ASAP2: variants seen among roughly 807,000 people sequenced by gnomAD.
ASAP2 encodes the protein arf-GAP with SH3 domain, ANK repeat and PH domain-containing protein 2.
A neutral mutation model predicts 131.4 loss-of-function variants in ASAP2; 45 were observed. The observed-to-expected ratio is 0.34, with a 90% confidence interval of 0.27 to 0.44. The LOEUF (loss-of-function observed/expected upper bound fraction) is 0.44, where lower values mean the gene tolerates loss of function less well. Ranked by LOEUF, ASAP2 falls within the 20% of genes least tolerant of loss-of-function variation. The pLI is 1.00. For missense variants in ASAP2, 1,011 were observed against 1,297.0 expected (o/e 0.78, Z 3.39); for synonymous variants, 510 against 503.0 (o/e 1.01, Z -0.19).
chr2:9,217,235 C>T lies in ASAP2; in HGVS notation c.126+10005C>T, dbSNP rs1270744291. 1.3e-5 allele frequency among the ~76,000 whole-genome samples: 2 copies of T among 152,176 alleles called. No individual in the cohort carries two copies. Among genetic ancestry groups the T allele is most frequent in the African/African-American group, 4.8e-5 (2 of 41,436 alleles). On this transcript the variant is annotated intron_variant, in intron 1 of 27. Coordinates refer to ENST00000281419, the MANE Select transcript of ASAP2 (RefSeq NM_003887.3). This position sits in a 1 kb window ranked among gnomAD's most constrained non-coding sequence, Gnocchi z 4.0. ...AGAAAGTTGCAGCTATTGCATTGCT[C>T]GAGTGGGTGCTTCTGGCAAATCCTT... is the stretch of plus-strand genomic sequence containing the variant.
At chr2:9,397,913 C>T (rs1676299127) in intron 24 of ASAP2, among the ~76,000 whole-genome samples, 1 of 150,622 alleles carries the variant, frequency 6.6e-6, no homozygotes, top group Non-Finnish European at 1.5e-5. Context: ...CGCCCGCCAC[C>T]ACGCCCGGCT....
At chr2:9,342,203 C>A in intron 9 of ASAP2, among the ~76,000 whole-genome samples, 1 of 152,162 alleles carries the variant, frequency 6.6e-6, no homozygotes, top group Non-Finnish European at 1.5e-5. Flanking sequence ...CCAGAATCGT[C>A]AAAACAATCC....
chr2:9,287,480 G>A (rs1179062440), intron 2 of ASAP2, among the ~76,000 whole-genome samples: 2 of 152,214 alleles, frequency 1.3e-5, no homozygotes, highest in South Asian at 2.1e-4. Context: ...AGGACGCGGG[G>A]CTCCTGGTTT....
chr2:9,398,269 G>C (rs1676343753), intron 24 of ASAP2, among the ~76,000 whole-genome samples: 1 of 151,774 alleles, frequency 6.6e-6, no homozygotes, highest in Non-Finnish European at 1.5e-5. Context: ...CAGAGCTTTG[G>C]GAGGCCGAGG....
Position 9,281,863 on chromosome 2 carries a change from C to T in ASAP2, c.199+2474C>T, listed in dbSNP as rs1448631748. 6.6e-6 allele frequency among the ~76,000 whole-genome samples: 1 copy of T among 152,182 alleles called. No homozygotes were observed. The highest frequency in any genetic ancestry group is 2.4e-5 in the African/African-American group (1 of 41,422). ...CCTCAGGTGAGTAAATACTGCAGAGCACCAGATGAGTTCCGAGCTCTTGTG... is the reference window on the plus strand; with the variant it reads ...CCTCAGGTGAGTAAATACTGCAGAGTACCAGATGAGTTCCGAGCTCTTGTG... On this transcript the variant is annotated intron_variant, in intron 2 of 27. Coordinates refer to ENST00000281419, the MANE Select transcript of ASAP2 (RefSeq NM_003887.3). The surrounding 1 kb of genome is among the most constrained non-coding windows in gnomAD (Gnocchi z 4.0).
At chr2:9,226,893 G>A (rs1207773450) in intron 1 of ASAP2, among the ~76,000 whole-genome samples, 4 of 152,176 alleles carry the variant, frequency 2.6e-5, no homozygotes, top group Non-Finnish European at 5.9e-5. Flanking sequence ...TCCTTGGTCA[G>A]TCAGGAGGCA....
At chr2:9,319,280 G>T (rs1030045270) in intron 4 of ASAP2, among the ~76,000 whole-genome samples, 3 of 152,248 alleles carry the variant, frequency 2.0e-5, no homozygotes, top group African/African-American at 7.2e-5. Context: ...GCCTTCTCGG[G>T]AGACTCAAAT....
chr2:9,358,407 G>A (rs1672853886), intron 14 of ASAP2, among the ~76,000 whole-genome samples: 1 of 152,152 alleles, frequency 6.6e-6, no homozygotes, highest in African/African-American at 2.4e-5. Context: ...GCTCCATTCT[G>A]CTAGTGTGAC....
At chr2:9,347,370 C>T (rs1312617436) in intron 11 of ASAP2, among the ~76,000 whole-genome samples, 1 of 152,148 alleles carries the variant, frequency 6.6e-6, no homozygotes, top group Non-Finnish European at 1.5e-5. Flanking sequence ...TTGGTTTTGA[C>T]TTGATTTCTT....
In ASAP2 at chr2:9,208,589, C is replaced by T. The variant is rs114297959; in HGVS notation, c.126+1359C>T. On this transcript the variant is annotated intron_variant, in intron 1 of 27. Coordinates refer to ENST00000281419, the MANE Select transcript of ASAP2 (RefSeq NM_003887.3). ...ATCCTGTTAATATAACTTGGGTAGC[C>T]TTCCTTCTCTCCATTTAATTTGGCG... 9.7e-3 allele frequency among the ~76,000 whole-genome samples: 1,469 copies of T among 152,228 alleles called. 11 individuals carry two copies. The highest frequency in any genetic ancestry group is 0.015 in the Non-Finnish European group (1,010 of 68,018).
chr2:9,335,156 G>C lies in ASAP2; in HGVS notation c.826G>C (p.Ala276Pro). 1 of 1,614,102 alleles carries C rather than the reference G, an allele frequency of 6.2e-7. No individual in the cohort carries two copies. ...ACAGCTTCGAGATATTTTGAAATCCGCATTGCAGGTTGAACAGAAAGAGGT... is the reference window on the plus strand; with the variant it reads ...ACAGCTTCGAGATATTTTGAAATCCCCATTGCAGGTTGAACAGAAAGAGGT... ...LIQLRDILKSALQVEQKEDSQ... is the reference protein window; with the variant it reads ...LIQLRDILKSPLQVEQKEDSQ... The change falls in exon 9 of 28, where the codon GCA becomes CCA. Residue 276 changes from alanine to proline, a missense_variant. By Grantham distance (27) the Ala-to-Pro change is conservative. Around this residue, in one of 2 missense-constraint regions of ASAP2, gnomAD observed 359 missense variants for 598.1 expected, o/e 0.60. Coordinates refer to ENST00000281419, the MANE Select transcript of ASAP2 (RefSeq NM_003887.3).
intron 7 of ASAP2, among the ~76,000 whole-genome samples, chr2:9,329,813 C>T (rs971935476): frequency 3.9e-5 from 6 of 152,196 alleles, no homozygotes; most frequent in African/African-American, 1.2e-4. Context: ...GTTTCTTTTC[C>T]TAGAAGGCCT....
intron 3 of ASAP2, among the ~76,000 whole-genome samples, chr2:9,298,630 A>G (rs1301183531): frequency 6.6e-6 from 1 of 152,120 alleles, no homozygotes; most frequent in African/African-American, 2.4e-5. Flanking sequence ...GCAGGCATGC[A>G]TGGTGGGGTC....
At chr2:9,304,098 A>G (rs1668672017) in intron 3 of ASAP2, among the ~76,000 whole-genome samples, 1 of 152,190 alleles carries the variant, frequency 6.6e-6, no homozygotes, top group Non-Finnish European at 1.5e-5. Context: ...AGCAGGGAGC[A>G]GTGACTCCCC....
intron 21 of ASAP2, among the ~76,000 whole-genome samples, chr2:9,387,057 T>C: frequency 7.3e-6 from 1 of 136,664 alleles, no homozygotes; most frequent in Non-Finnish European, 1.5e-5. Context: ...TACAAAAAAA[T>C]TAGCCGGGCT....
chr2:9,207,000 A>C lies in ASAP2; in HGVS notation c.-105A>C. 9.7e-7 allele frequency: 1 copy of C among 1,034,880 alleles called. No homozygotes were observed. Among genetic ancestry groups the C allele is most frequent in the Non-Finnish European group, 1.2e-6 (1 of 856,664 alleles). 64.1% of individuals were successfully genotyped at this position (1,034,880 alleles called of 1,614,324 possible). A position where few individuals can be genotyped will look rare whatever the true frequency, so the allele number is the denominator to read the frequency against. On this transcript the variant is annotated 5_prime_UTR_variant, in exon 1 of 28. Transcript: ENST00000281419. The surrounding 1 kb of genome is among the most constrained non-coding windows in gnomAD (Gnocchi z 4.0). The stretch of plus-strand genomic sequence containing the variant: ...GCGCTCCCCTTTGTCCGCGGGCCGG[A>C]GCGGCGGCGGCAGCGGCGGTGTCCG...
chr2:9,383,985 G>A (rs527915130), intron 20 of ASAP2, among the ~76,000 whole-genome samples: 1 of 151,912 alleles, frequency 6.6e-6, no homozygotes, highest in South Asian at 2.1e-4. Context: ...GACACAGGGC[G>A]GGGAACATCA....
rs1037353256 is a variant in ASAP2, at chr2:9,297,510, A to G, written c.345+65A>G. The G allele has an allele frequency of 4.6e-5, 72 of 1,570,702 alleles. No homozygotes were observed. In the Admixed American group the frequency reaches 1.2e-3, roughly 26 times the overall value. ...TTGGGAAAGTGGCTCAGTAGAGGAT[A>G]GTTATGGTTTGTTTGATAAACTAGG... On this transcript the variant is annotated intron_variant, in intron 3 of 27. Coordinates refer to ENST00000281419, the MANE Select transcript of ASAP2 (RefSeq NM_003887.3).
intron 6 of ASAP2, among the ~76,000 whole-genome samples, chr2:9,327,174 C>T (rs1016975568): frequency 8.2e-5 from 12 of 146,998 alleles, no homozygotes; most frequent in Non-Finnish European, 1.5e-4. Flanking sequence ...GGGCATGAAT[C>T]AGCAGCTTTT....
Sources: allele counts gnomAD v4.1 joint callset (sites outside exome capture counted in the v4.1 genomes callset), GRCh38; gene constraint gnomAD v4.1.1; regional missense constraint gnomAD v4.1.1; non-coding constraint Gnocchi (gnomAD v3.1); transcripts MANE v1.5; gene names NCBI Gene and HGNC (gene_info 2026-07-23, HGNC 2026-07-21).